DLG2: variants seen among roughly 807,000 people sequenced by gnomAD.
The protein encoded by DLG2 is discs large MAGUK scaffold protein 2, also known as disks large homolog 2.
Under a neutral mutation model 132.5 loss-of-function variants are expected in DLG2, and 45 were observed. The observed-to-expected ratio is 0.34, with a 90% CI of 0.27 to 0.44. The LOEUF is 0.44. DLG2 is among the 20% of genes least tolerant of loss of function. The pLI is 1.00. For synonymous variants in DLG2, 424 were observed against 419.6 expected (o/e 1.01, Z -0.13); for missense variants, 1,045 against 1,196.9 (o/e 0.87, Z 1.87).
At chr11:84,378,831 G>C (rs56682848) in intron 7 of DLG2, among the ~76,000 whole-genome samples, 7,917 of 143,810 alleles carry the variant, frequency 0.055, 698 homozygotes, top group African/African-American at 0.21. Flanking sequence ...GGTATTCACA[G>C]ATACTCAGGA....
chr11:84,855,643 T>G (rs2082687424), intron 6 of DLG2, among the ~76,000 whole-genome samples: 1 of 152,080 alleles, frequency 6.6e-6, no homozygotes, highest in African/African-American at 2.4e-5. Flanking sequence ...GAGTTCATAC[T>G]GCAGAAGAAT....
chr11:84,490,233 A>G (rs2099161316), intron 7 of DLG2, among the ~76,000 whole-genome samples: 1 of 152,144 alleles, frequency 6.6e-6, no homozygotes, highest in East Asian at 1.9e-4. Context: ...AGGATTAAGT[A>G]AGATTGTATT....
intron 18 of DLG2, among the ~76,000 whole-genome samples, chr11:83,747,806 A>G (rs148309333): frequency 5.1e-4 from 77 of 152,058 alleles, no homozygotes; most frequent in African/African-American, 1.6e-3. Flanking sequence ...AAGTAATATA[A>G]ACAAAAATTC....
chr11:85,153,920 T>A (rs1002933671), intron 5 of DLG2, among the ~76,000 whole-genome samples: 14 of 152,132 alleles, frequency 9.2e-5, no homozygotes, highest in Non-Finnish European at 1.6e-4. Flanking sequence ...TGCTCTCCAA[T>A]TATGAAAACA....
intron 3 of DLG2, among the ~76,000 whole-genome samples, chr11:85,491,766 A>G (rs966556483): frequency 2.4e-4 from 36 of 152,128 alleles, no homozygotes; most frequent in African/African-American, 8.4e-4. Context: ...ATAAATAGAG[A>G]GATATCCTAT....
chr11:84,602,255 A>C (rs58097322), intron 6 of DLG2, among the ~76,000 whole-genome samples: 9,754 of 151,914 alleles, frequency 0.064, 359 homozygotes, highest in South Asian at 0.1. Flanking sequence ...CTTTGCATGC[A>C]GTGTCTCAGT....
At chr11:84,036,893 G>A (rs1370277132) in intron 11 of DLG2, among the ~76,000 whole-genome samples, 3 of 152,072 alleles carry the variant, frequency 2.0e-5, no homozygotes, top group Non-Finnish European at 4.4e-5. Context: ...TCGGTGTGTT[G>A]CCAAACATTC....
chr11:84,715,765 A>C (rs1272561875), intron 6 of DLG2, among the ~76,000 whole-genome samples: 1 of 152,146 alleles, frequency 6.6e-6, no homozygotes, highest in Admixed American at 6.5e-5. Context: ...TCTCTATAAA[A>C]TAGATACATG....
intron 6 of DLG2, among the ~76,000 whole-genome samples, chr11:84,659,387 T>C (rs1371382181): frequency 6.6e-6 from 1 of 152,168 alleles, no homozygotes; most frequent in East Asian, 1.9e-4. Context: ...GCTCTAGGTC[T>C]AGACTGGAAT....
intron 7 of DLG2, among the ~76,000 whole-genome samples, chr11:84,460,589 C>A (rs1214085623): frequency 6.6e-6 from 1 of 150,382 alleles, no homozygotes; most frequent in East Asian, 2.0e-4. Context: ...TTAATACATC[C>A]ATGAATTACA....
intron 6 of DLG2, among the ~76,000 whole-genome samples, chr11:84,637,518 A>G (rs2099642826): frequency 6.6e-6 from 1 of 152,188 alleles, no homozygotes; most frequent in Non-Finnish European, 1.5e-5. Context: ...ATTGTCATGG[A>G]CCTCTGAAAA....
chr11:84,174,362 G>A (rs1471077244), intron 8 of DLG2, among the ~76,000 whole-genome samples: 1 of 151,860 alleles, frequency 6.6e-6, no homozygotes, highest in East Asian at 1.9e-4. Flanking sequence ...TGCTCAAGTA[G>A]CTTCAATAAT....
intron 7 of DLG2, among the ~76,000 whole-genome samples, chr11:84,396,846 T>C (rs2098812772): frequency 6.6e-6 from 1 of 152,178 alleles, no homozygotes; most frequent in African/African-American, 2.4e-5. Context: ...ACCAGAGATA[T>C]TCCTCTTCTC....
chr11:84,762,145 T>C (rs922751157), intron 6 of DLG2: 3 of 152,308 alleles, frequency 2.0e-5, no homozygotes, highest in Non-Finnish European at 2.9e-5. Flanking sequence ...GGGGCCTTCA[T>C]CATATGCAAC....
At chr11:84,362,548 G>A (rs985520405) in intron 7 of DLG2, among the ~76,000 whole-genome samples, 9 of 150,306 alleles carry the variant, frequency 6.0e-5, no homozygotes, top group South Asian at 4.2e-4. Flanking sequence ...TAGGGTACAT[G>A]TGCACAATGT....
intron 7 of DLG2, among the ~76,000 whole-genome samples, chr11:84,524,757 A>G (rs915019524): frequency 6.6e-6 from 1 of 152,172 alleles, no homozygotes; most frequent in African/African-American, 2.4e-5. Context: ...TATTAAAAAC[A>G]TTATGTCTAG....
chr11:85,475,981 T>A (rs926191544), intron 3 of DLG2, among the ~76,000 whole-genome samples: 37 of 152,228 alleles, frequency 2.4e-4, no homozygotes, highest in African/African-American at 7.9e-4. Context: ...ACAAACAATC[T>A]ATAGTTATGC....
At chr11:84,299,623 T>C (rs1247505097) in intron 7 of DLG2, among the ~76,000 whole-genome samples, 2 of 152,188 alleles carry the variant, frequency 1.3e-5, no homozygotes, top group African/African-American at 4.8e-5. Flanking sequence ...CTGAAGGCTC[T>C]GAGTGAACTG....
At chr11:84,042,226 T>C (rs922658056) in intron 11 of DLG2, among the ~76,000 whole-genome samples, 2 of 151,904 alleles carry the variant, frequency 1.3e-5, no homozygotes, top group African/African-American at 4.8e-5. Flanking sequence ...TTGCCAACTA[T>C]ATTATAAACT....
Sources: allele counts gnomAD v4.1 joint callset (sites outside exome capture counted in the v4.1 genomes callset), GRCh38; gene constraint gnomAD v4.1.1; transcripts MANE v1.5; gene names NCBI Gene and HGNC (gene_info 2026-07-23, HGNC 2026-07-21).